Variants in CCNB3 observed in about 807,000 individuals in gnomAD.
CCNB3 encodes the protein cyclin B3.
Under a neutral mutation model 68.0 loss-of-function variants are expected in CCNB3, and 12 were observed. The ratio of observed to expected loss-of-function variants is 0.18; its 90% CI spans 0.11 to 0.29. CCNB3 has a LOEUF of 0.29. Among genes scored for constraint, CCNB3 ranks in the 10% least tolerant of loss-of-function variants. The probability of loss-of-function intolerance (pLI) is 1.00; values close to 1 mark genes in which losing one functional copy is unlikely to be tolerated. For missense variants in CCNB3, 904 were observed against 993.1 expected (o/e 0.91, Z 1.21); for synonymous variants, 354 against 388.9 (o/e 0.91, Z 1.06).
chrX:50,347,801 A>T (rs373813795), intron 11 of CCNB3, 26 bp downstream of exon 11: 1 of 1,180,729 alleles, frequency 8.5e-7, no homozygotes, highest in Admixed American at 2.3e-5. Flanking sequence ...ATAGGGGTAT[A>T]GGGGTAGAGA....
intron 1 of CCNB3, among the ~76,000 whole-genome samples, chrX:50,220,495 C>T (rs1055308985): frequency 1.9e-4 from 21 of 111,633 alleles, no homozygotes; most frequent in African/African-American, 2.3e-4. Context: ...TGAATTTTAT[C>T]GAAGACCTTT....
At chrX:50,350,248 T>TAC (rs35500925) in intron 11 of CCNB3, among the ~76,000 whole-genome samples, 11,378 of 95,028 alleles carry the variant, frequency 0.12, 558 homozygotes, top group Non-Finnish European at 0.14. Flanking sequence ...CATACACAAA[T>TAC]ACACACACAC....
intron 5 of CCNB3, among the ~76,000 whole-genome samples, chrX:50,300,940 G>A (rs782100574): frequency 9.0e-6 from 1 of 111,524 alleles, no homozygotes; most frequent in Non-Finnish European, 1.9e-5. Context: ...ACTGAGGCTT[G>A]TGCATTCGTC....
chrX:50,298,300 C>T (rs1438692844), intron 5 of CCNB3, among the ~76,000 whole-genome samples: 4 of 111,096 alleles, frequency 3.6e-5, no homozygotes, highest in African/African-American at 1.3e-4. Flanking sequence ...TTTTGAGATA[C>T]GTCCCATCAA....
rs945634478 is a variant in CCNB3 at position 50,307,610 on chromosome X, A to G, written c.336-895A>G. Among the ~76,000 whole-genome samples, 80 of 109,327 alleles carry G rather than the reference A, an allele frequency of 7.3e-4. 1 individual carries two copies. The highest frequency in any genetic ancestry group is 2.5e-3 in the African/African-American group (74 of 29,191). The allele number at this position is 109,327 out of a possible 115,157, so 94.9% of individuals were successfully genotyped here. On this transcript the variant is annotated intron_variant, in intron 5 of 12. Transcript: ENST00000376042. Reference sequence around the variant, plus strand: ...ACAGCTATCACCACTATCTAATTTTAGAACTTTTTCAATACCCCCCGTCCA... The same window carrying G: ...ACAGCTATCACCACTATCTAATTTTGGAACTTTTTCAATACCCCCCGTCCA...
chrX:50,296,409 G>A (rs1172660313), intron 5 of CCNB3, among the ~76,000 whole-genome samples: 1 of 63,004 alleles, frequency 1.6e-5, no homozygotes, highest in Non-Finnish European at 2.9e-5. Context: ...ATAGTTTGCT[G>A]AGAATGAAGG....
intron 8 of CCNB3, among the ~76,000 whole-genome samples, chrX:50,335,263 A>G (rs1922793470): frequency 8.9e-6 from 1 of 112,208 alleles, no homozygotes; most frequent in African/African-American, 3.2e-5. Context: ...AAAGGCAAAC[A>G]GCTTCTGGCT....
At chrX:50,305,833 G>A (rs1921039706) in intron 5 of CCNB3, among the ~76,000 whole-genome samples, 1 of 92,444 alleles carries the variant, frequency 1.1e-5, no homozygotes, top group Non-Finnish European at 2.1e-5. Context: ...CTGGAGTGTG[G>A]TGGTGCAATC....
chrX:50,295,018 C>T (rs782768945), intron 5 of CCNB3, 25 bp downstream of exon 5: 69 of 1,185,279 alleles, frequency 5.8e-5, no homozygotes, highest in Non-Finnish European at 7.8e-5. Context: ...ACTCAGATGG[C>T]ATTATTTTAG....
intron 5 of CCNB3, among the ~76,000 whole-genome samples, chrX:50,303,473 C>T (rs1306276141): frequency 1.8e-5 from 2 of 108,379 alleles, no homozygotes; most frequent in African/African-American, 6.7e-5. Flanking sequence ...TTTTAAACAC[C>T]CATCATGGTG....
intron 1 of CCNB3, among the ~76,000 whole-genome samples, chrX:50,225,280 G>C (rs1935734418): frequency 9.0e-6 from 1 of 110,983 alleles, no homozygotes; most frequent in South Asian, 3.9e-4. Context: ...GGAACATCTT[G>C]TACAAAAATA....
intron 1 of CCNB3, among the ~76,000 whole-genome samples, chrX:50,212,572 C>A (rs1935499882): frequency 9.0e-6 from 1 of 110,764 alleles, no homozygotes. Flanking sequence ...TTTTTAGTAT[C>A]CTGTGTCACA....
chrX:50,212,598 C>T (rs1935500139), intron 1 of CCNB3, among the ~76,000 whole-genome samples: 1 of 111,077 alleles, frequency 9.0e-6, no homozygotes, highest in Non-Finnish European at 1.9e-5. Context: ...GGACAACCAT[C>T]ACCATGATCA....
At position 50,323,146 on chromosome X, in the gene CCNB3, T is replaced by A. The variant is rs112502321; in HGVS notation, c.3516+9198T>A. Among the ~76,000 whole-genome samples, 834 of 111,413 alleles carry A rather than the reference T, an allele frequency of 7.5e-3. 3 individuals are homozygous for A. Among genetic ancestry groups the A allele is most frequent in the Middle Eastern group, 0.019 (4 of 215 alleles). Reference sequence around the variant, plus strand: ...TATGTTTATTGCAGCACTATTCACATTAGCAAAGACTTGGAACCAAGCCAA... The same window carrying A: ...TATGTTTATTGCAGCACTATTCACAATAGCAAAGACTTGGAACCAAGCCAA... On this transcript the variant is annotated intron_variant, in intron 8 of 12. Transcript: ENST00000376042.
chrX:50,206,172 G>A (rs1935358392), intron 1 of CCNB3, among the ~76,000 whole-genome samples: 1 of 110,966 alleles, frequency 9.0e-6, no homozygotes, highest in African/African-American at 3.3e-5. Flanking sequence ...GAGCCCGGGA[G>A]ACAGAGGTTG....
intron 7 of CCNB3, among the ~76,000 whole-genome samples, chrX:50,313,570 C>A (rs1349283421): frequency 1.8e-5 from 2 of 111,998 alleles, no homozygotes; most frequent in Non-Finnish European, 3.8e-5. Context: ...GATTGAATTG[C>A]AAAGAAAGGG....
intron 1 of CCNB3, among the ~76,000 whole-genome samples, chrX:50,227,432 C>A (rs1267986290): frequency 2.4e-5 from 2 of 82,001 alleles, no homozygotes; most frequent in African/African-American, 9.2e-5. Flanking sequence ...TAAATATATA[C>A]AGAGAATATA....
In CCNB3 at chrX:50,309,649, A is replaced by G; in HGVS notation, c.1480A>G (p.Lys494Glu). ...CAAGAAGCCTTTAATTTTAAAGAGG[A>G]AGCATGCCACTCAGGGGACAATGTC... The part of the protein sequence containing the change: ...PTKKPLILKR[K>E]HATQGTMSHL... The change falls in exon 6 of 13, where the codon AAG becomes GAG. Residue 494 changes from lysine (K) to glutamate (E), a missense_variant. Transcript: ENST00000376042. 1 of 1,211,151 alleles carries G rather than the reference A, an allele frequency of 8.3e-7. No homozygotes were observed. Among genetic ancestry groups the G allele is most frequent in the South Asian group, 1.8e-5 (1 of 56,854 alleles).
upstream of CCNB3, among the ~76,000 whole-genome samples, chrX:50,203,240 G>GA (rs1456485669): frequency 9.0e-6 from 1 of 111,591 alleles, no homozygotes; most frequent in East Asian, 2.8e-4. Flanking sequence ...CATTTGGCTA[G>GA]AAAAAACTAT....
Sources: allele counts gnomAD v4.1 joint callset (sites outside exome capture counted in the v4.1 genomes callset), GRCh38; gene constraint gnomAD v4.1.1; transcripts MANE v1.5; gene names NCBI Gene and HGNC (gene_info 2026-07-23, HGNC 2026-07-21).